Variants in NKAIN2 observed in about 807,000 individuals in gnomAD.
The protein encoded by NKAIN2 is sodium/potassium-transporting ATPase subunit beta-1-interacting protein 2.
In NKAIN2, 14 loss-of-function variants were observed where a neutral mutation model predicts 32.6. That is an observed-to-expected ratio of 0.43 (90% confidence interval 0.28 to 0.67). The LOEUF (loss-of-function observed/expected upper bound fraction) is 0.67. NKAIN2 is among the 30% of genes least tolerant of loss of function. The probability of loss-of-function intolerance (pLI) is 0.17; values close to 1 mark genes in which losing one functional copy is unlikely to be tolerated. For missense variants in NKAIN2, 198 were observed against 258.3 expected, an observed-to-expected ratio of 0.77 and a Z score of 1.60; for synonymous variants, 80 against 87.2, an observed-to-expected ratio of 0.92 and a Z score of 0.46.
At chr6:124,089,298 G>C (rs369647585) in intron 1 of NKAIN2, among the ~76,000 whole-genome samples, 2 of 151,560 alleles carry the variant, frequency 1.3e-5, no homozygotes, top group Admixed American at 6.6e-5. Context: ...ACCGTGATTC[G>C]GCCTGAAAGT....
At chr6:124,057,488 C>T (rs558296417) in intron 1 of NKAIN2, among the ~76,000 whole-genome samples, 129 of 151,874 alleles carry the variant, frequency 8.5e-4, no homozygotes, top group Admixed American at 3.2e-3. Flanking sequence ...ATATATTTTT[C>T]GAAATAGAAG....
At chr6:124,602,234 G>T (rs1782334606) in intron 3 of NKAIN2, among the ~76,000 whole-genome samples, 1 of 151,936 alleles carries the variant, frequency 6.6e-6, no homozygotes, top group Non-Finnish European at 1.5e-5. Context: ...TATCAGTCCA[G>T]TCCATGCTTC....
intron 1 of NKAIN2, among the ~76,000 whole-genome samples, chr6:123,815,186 T>G (rs2114873215): frequency 6.6e-6 from 1 of 152,326 alleles, no homozygotes; most frequent in East Asian, 1.9e-4. Context: ...TGCAACCTGT[T>G]CTTTATCATT....
intron 1 of NKAIN2, among the ~76,000 whole-genome samples, chr6:124,245,113 A>C (rs1486130521): frequency 6.6e-6 from 1 of 152,116 alleles, no homozygotes; most frequent in Non-Finnish European, 1.5e-5. Flanking sequence ...GCTATTTCTC[A>C]GGTGTTTGCG....
chr6:124,200,971 G>A (rs1582837328), intron 1 of NKAIN2, among the ~76,000 whole-genome samples: 1 of 152,152 alleles, frequency 6.6e-6, no homozygotes, highest in East Asian at 1.9e-4. Flanking sequence ...TATGTTGCCA[G>A]GATCACAAGG....
intron 3 of NKAIN2, among the ~76,000 whole-genome samples, chr6:124,544,949 T>G (rs1190189615): frequency 6.6e-6 from 1 of 152,160 alleles, no homozygotes; most frequent in Non-Finnish European, 1.5e-5. Flanking sequence ...CTTCTAAATT[T>G]GTAAATGGCA....
chr6:123,990,286 G>A (rs752998695), intron 1 of NKAIN2, among the ~76,000 whole-genome samples: 4 of 152,264 alleles, frequency 2.6e-5, no homozygotes, highest in East Asian at 1.9e-4. Flanking sequence ...CCAGCAAAAC[G>A]TGTAGTTTGT....
At chr6:124,112,206 A>G (rs1199565323) in intron 1 of NKAIN2, among the ~76,000 whole-genome samples, 1 of 152,062 alleles carries the variant, frequency 6.6e-6, no homozygotes, top group Non-Finnish European at 1.5e-5. Flanking sequence ...TTCATTTTGA[A>G]TTGAAGAACA....
intron 3 of NKAIN2, among the ~76,000 whole-genome samples, chr6:124,647,319 G>A (rs1490500337): frequency 6.6e-6 from 1 of 151,590 alleles, no homozygotes; most frequent in Admixed American, 6.6e-5. Flanking sequence ...GGCTGAGGCA[G>A]GCAGACCACT....
At chr6:124,415,405 G>A (rs904947353) in intron 3 of NKAIN2, among the ~76,000 whole-genome samples, 5 of 152,192 alleles carry the variant, frequency 3.3e-5, no homozygotes, top group Admixed American at 2.6e-4. Flanking sequence ...TGGATAAGGC[G>A]AGGCATGGGG....
intron 1 of NKAIN2, among the ~76,000 whole-genome samples, chr6:124,255,408 T>C (rs977399307): frequency 2.6e-5 from 4 of 152,214 alleles, no homozygotes; most frequent in African/African-American, 9.6e-5. Flanking sequence ...AGTGTCTACC[T>C]GGGGGTGTGA....
intron 3 of NKAIN2, among the ~76,000 whole-genome samples, chr6:124,503,067 C>T (rs1303407065): frequency 6.6e-6 from 1 of 152,096 alleles, no homozygotes. Context: ...GATGTTTAAT[C>T]TTTGTATCCA....
chr6:124,024,056 G>T (rs925593332), intron 1 of NKAIN2, among the ~76,000 whole-genome samples: 1 of 151,810 alleles, frequency 6.6e-6, no homozygotes, highest in Non-Finnish European at 1.5e-5. Context: ...GGGTGCAATT[G>T]GTTAAAAAAA....
chr6:124,412,546 G>A (rs557593587), intron 3 of NKAIN2, among the ~76,000 whole-genome samples: 139 of 152,274 alleles, frequency 9.1e-4, no homozygotes, highest in Admixed American at 1.6e-3. Flanking sequence ...TTTTGTCTCA[G>A]AGGAGTACCC....
intron 3 of NKAIN2, among the ~76,000 whole-genome samples, chr6:124,611,087 G>C (rs1425148206): frequency 1.3e-5 from 2 of 152,044 alleles, no homozygotes; most frequent in African/African-American, 4.8e-5. Flanking sequence ...TAATCAAGCA[G>C]TTTTCCTCTG....
chr6:124,111,966 T>A (rs1380901462), intron 1 of NKAIN2, among the ~76,000 whole-genome samples: 1 of 152,104 alleles, frequency 6.6e-6, no homozygotes, highest in Non-Finnish European at 1.5e-5. Flanking sequence ...CCCCAGAACA[T>A]ACTTTATGTT....
intron 1 of NKAIN2, among the ~76,000 whole-genome samples, chr6:123,959,082 AAG>A (rs2114606845): frequency 6.6e-6 from 1 of 152,236 alleles, no homozygotes; most frequent in African/African-American, 2.4e-5. Flanking sequence ...TGACAGAGGA[AAG>A]AGAGTTTGTG....
At chr6:124,468,898 G>A (rs924690532) in intron 3 of NKAIN2, among the ~76,000 whole-genome samples, 2 of 152,138 alleles carry the variant, frequency 1.3e-5, no homozygotes, top group Non-Finnish European at 2.9e-5. Context: ...TAAAGTTCCT[G>A]TGAAAGGTGG....
chr6:124,518,652 T>TCC (rs1779013662), intron 3 of NKAIN2, among the ~76,000 whole-genome samples: 1 of 152,032 alleles, frequency 6.6e-6, no homozygotes, highest in Non-Finnish European at 1.5e-5. Context: ...TTCCCACTAG[T>TCC]CCCCTCCAGC....
Sources: gnomAD v4.1 joint callset for allele counts (sites outside exome capture counted in the v4.1 genomes callset) on GRCh38, gnomAD v4.1.1 for gene constraint, MANE v1.5 for transcripts, NCBI Gene and HGNC (gene_info 2026-07-23, HGNC 2026-07-21) for gene names.